The following GRIA4 variants were observed in gnomAD, a reference collection of about 807,000 sequenced individuals.
The protein encoded by GRIA4 is glutamate ionotropic receptor AMPA type subunit 4, also known as glutamate receptor 4.
Under a neutral mutation model 104.0 loss-of-function variants are expected in GRIA4, and 34 were observed. The ratio of observed to expected loss-of-function variants is 0.33; its 90% CI spans 0.25 to 0.44. The LOEUF is 0.44. Among genes scored for constraint, GRIA4 ranks in the 20% least tolerant of loss-of-function variants. The pLI is 1.00. For missense variants in GRIA4, 750 were observed against 1,096.5 expected (o/e 0.68, Z 4.46); for synonymous variants, 386 against 381.9 (o/e 1.01, Z -0.13).
intron 3 of GRIA4, among the ~76,000 whole-genome samples, chr11:105,679,537 A>G (rs1952644332): frequency 6.6e-6 from 1 of 152,136 alleles, no homozygotes; most frequent in Non-Finnish European, 1.5e-5. Flanking sequence ...CCCTTATCCC[A>G]GAAGAGAATG....
intron 3 of GRIA4, among the ~76,000 whole-genome samples, chr11:105,639,246 G>A (rs1159834743): frequency 1.3e-5 from 2 of 151,842 alleles, no homozygotes; most frequent in African/African-American, 2.4e-5. Flanking sequence ...ATTTACTTTT[G>A]GGATAAAAGT....
At chr11:105,774,019 T>A (rs1031543356) in intron 4 of GRIA4, among the ~76,000 whole-genome samples, 38 of 151,754 alleles carry the variant, frequency 2.5e-4, no homozygotes, top group African/African-American at 9.2e-4. Context: ...GAGAATAAAT[T>A]TTTTTGTATA....
intron 4 of GRIA4, among the ~76,000 whole-genome samples, chr11:105,768,117 T>C (rs1276556170): frequency 6.6e-6 from 1 of 152,130 alleles, no homozygotes; most frequent in African/African-American, 2.4e-5. Context: ...CTGCTGTGTA[T>C]GGTCTTTTGT....
chr11:105,866,183 C>A (rs550166704), intron 5 of GRIA4, among the ~76,000 whole-genome samples: 1 of 152,084 alleles, frequency 6.6e-6, no homozygotes, highest in Non-Finnish European at 1.5e-5. Context: ...TATGATTCTT[C>A]TCGTTCTCAC....
At chr11:105,617,390 T>C (rs1351886967) in intron 3 of GRIA4, among the ~76,000 whole-genome samples, 5 of 151,840 alleles carry the variant, frequency 3.3e-5, no homozygotes, top group Non-Finnish European at 7.4e-5. Flanking sequence ...TACTTTACTT[T>C]CTTCCAAAGA....
At chr11:105,735,379 A>C (rs778770604) in intron 3 of GRIA4, among the ~76,000 whole-genome samples, 4 of 152,186 alleles carry the variant, frequency 2.6e-5, no homozygotes, top group Non-Finnish European at 4.4e-5. Flanking sequence ...CTGATTAAAT[A>C]TTTGAATAAT....
rs1943479769 is a variant in GRIA4 at position 105,818,925 on chromosome 11, T to C, written c.488-43099T>C. On this transcript the variant is annotated intron_variant, in intron 4 of 16. Coordinates refer to ENST00000282499, the MANE Select transcript of GRIA4 (RefSeq NM_000829.4). ...GTTTTTAATTTAATTTTTATGCATG[T>C]GTAACAAAGTCAAGCTACGTTAATT... Among the ~76,000 whole-genome samples the C allele has an allele frequency of 2.0e-5, 3 of 152,204 alleles. No individual in the cohort carries two copies. The South Asian group carries it at 6.2e-4, about 31-fold the overall frequency.
intron 4 of GRIA4, among the ~76,000 whole-genome samples, chr11:105,819,273 C>T (rs1943492506): frequency 6.6e-6 from 1 of 152,116 alleles, no homozygotes; most frequent in Admixed American, 6.5e-5. Flanking sequence ...TGGATCCTGG[C>T]TCTAACTCTT....
intron 3 of GRIA4, among the ~76,000 whole-genome samples, chr11:105,622,628 T>C (rs915748481): frequency 1.2e-4 from 18 of 151,806 alleles, no homozygotes; most frequent in African/African-American, 4.3e-4. Context: ...GTACATCACA[T>C]TTTCACTTTC....
intron 3 of GRIA4, among the ~76,000 whole-genome samples, chr11:105,702,327 T>G (rs1171603271): frequency 1.3e-5 from 2 of 151,962 alleles, no homozygotes; most frequent in Non-Finnish European, 1.5e-5. Flanking sequence ...AGAAATAAAT[T>G]CCCAAGTCAT....
chr11:105,942,615 C>T (rs933503833), intron 14 of GRIA4, among the ~76,000 whole-genome samples: 3 of 152,014 alleles, frequency 2.0e-5, no homozygotes, highest in Non-Finnish European at 4.4e-5. Context: ...ATCTCCGGTG[C>T]TCTTAAGGGA....
chr11:105,639,695 T>C (rs1951304927), intron 3 of GRIA4, among the ~76,000 whole-genome samples: 1 of 152,040 alleles, frequency 6.6e-6, no homozygotes, highest in South Asian at 2.1e-4. Flanking sequence ...ATGTTGTTTC[T>C]TTTACCAGGA....
At chr11:105,945,195 C>A (rs1388877518) in intron 14 of GRIA4, among the ~76,000 whole-genome samples, 1 of 152,150 alleles carries the variant, frequency 6.6e-6, no homozygotes, top group Non-Finnish European at 1.5e-5. Context: ...CCAAGCAATG[C>A]CCTTCTGTGA....
intron 4 of GRIA4, among the ~76,000 whole-genome samples, chr11:105,818,483 C>T (rs1010200478): frequency 2.6e-5 from 4 of 152,130 alleles, no homozygotes; most frequent in African/African-American, 7.2e-5. Flanking sequence ...ATCTTGCTTG[C>T]TTACTATGTT....
chr11:105,698,245 C>A (rs569156026), intron 3 of GRIA4, among the ~76,000 whole-genome samples: 1 of 151,966 alleles, frequency 6.6e-6, no homozygotes, highest in South Asian at 2.1e-4. Context: ...ATGTCTATAA[C>A]GGAAAAGTGT....
intron 14 of GRIA4, among the ~76,000 whole-genome samples, chr11:105,967,750 T>TC (rs1210960692): frequency 7.9e-4 from 119 of 151,210 alleles, no homozygotes; most frequent in Admixed American, 2.1e-3. Flanking sequence ...CTAAGGTTTA[T>TC]CAAGAGAATA....
intron 4 of GRIA4, among the ~76,000 whole-genome samples, chr11:105,855,754 A>G (rs1394014049): frequency 1.3e-5 from 2 of 152,158 alleles, no homozygotes; most frequent in African/African-American, 2.4e-5. Flanking sequence ...GTGTATTCAT[A>G]GGGAATATTC....
chr11:105,947,193 T>C (rs1948337108), intron 14 of GRIA4, among the ~76,000 whole-genome samples: 1 of 152,196 alleles, frequency 6.6e-6, no homozygotes, highest in Non-Finnish European at 1.5e-5. Context: ...AACTTTTAGC[T>C]CATGGCATAT....
intron 14 of GRIA4, among the ~76,000 whole-genome samples, chr11:105,942,679 C>A (rs1470389489): frequency 6.6e-6 from 1 of 152,066 alleles, no homozygotes; most frequent in Non-Finnish European, 1.5e-5. Flanking sequence ...TGAAAACTTA[C>A]TAAACAGTTT....
Sources: allele counts gnomAD v4.1 joint callset (sites outside exome capture counted in the v4.1 genomes callset), GRCh38; gene constraint gnomAD v4.1.1; transcripts MANE v1.5; gene names NCBI Gene and HGNC (gene_info 2026-07-23, HGNC 2026-07-21).